Variants in WDFY1 observed in about 807,000 individuals in gnomAD.
WDFY1 encodes the protein WD repeat and FYVE domain-containing protein 1.
Under a neutral mutation model 56.4 loss-of-function variants are expected in WDFY1, and 32 were observed. The observed-to-expected ratio is 0.57, with a 90% CI of 0.43 to 0.76. The LOEUF (loss-of-function observed/expected upper bound fraction) is 0.76. WDFY1 is among the 30% of genes least tolerant of loss of function. The pLI is 0.00. For missense variants in WDFY1, 480 were observed against 545.7 expected (o/e 0.88, Z 1.20); for synonymous variants, 192 against 197.3 (o/e 0.97, Z 0.23).
intron 1 of WDFY1, among the ~76,000 whole-genome samples, chr2:223,919,946 A>G (rs1482028350): frequency 6.6e-6 from 1 of 152,122 alleles, no homozygotes; most frequent in African/African-American, 2.4e-5. Context: ...ACACAGTGCC[A>G]ATTACCACAA....
Position 223,926,638 on chromosome 2 carries a change from A to T in WDFY1, c.138-8628T>A, listed in dbSNP as rs1574778043. ...ATATATGTGTGTGTATTTCATATAT[A>T]TACAAATATGTGCGTGTGTGTGTGT... On this transcript the variant is annotated intron_variant, in intron 1 of 11. Transcript: ENST00000233055. Among the ~76,000 whole-genome samples the T allele has an allele frequency of 2.8e-5, 4 of 143,858 alleles. No individual in the cohort carries two copies. In the South Asian group the frequency reaches 9.1e-4, roughly 33 times the overall value. The allele number at this position is 143,858 out of a possible 152,430, so 94.4% of individuals were successfully genotyped here. A position where few individuals can be genotyped will look rare whatever the true frequency, so the allele number is the denominator to read the frequency against.
chr2:223,880,071 C>T (rs1475613837), intron 11 of WDFY1, 53 bp downstream of exon 11: 1 of 1,456,986 alleles, frequency 6.9e-7, no homozygotes, highest in Non-Finnish European at 9.6e-7. Flanking sequence ...ACATTCACAG[C>T]ATGGTAATAG....
At chr2:223,889,569 T>C (rs1693232352) in intron 8 of WDFY1, among the ~76,000 whole-genome samples, 2 of 152,210 alleles carry the variant, frequency 1.3e-5, no homozygotes, top group Non-Finnish European at 2.9e-5. Flanking sequence ...GCACATGCCC[T>C]CTTGCCTTCC....
intron 8 of WDFY1, among the ~76,000 whole-genome samples, chr2:223,886,729 T>TAAAAAAA (rs34317110): frequency 2.1e-5 from 2 of 95,588 alleles, no homozygotes; most frequent in Non-Finnish European, 3.9e-5. Flanking sequence ...AAACTCCGTC[T>TAAAAAAA]AAAAAAAAAA....
chr2:223,906,062 A>G, intron 3 of WDFY1, 61 bp from the exon 4 acceptor site: 1 of 1,375,374 alleles, frequency 7.3e-7, no homozygotes, highest in East Asian at 2.4e-5. Context: ...AACAACAGAA[A>G]CTTGACTTTC....
At chr2:223,944,657 G>C (rs909324349) in intron 1 of WDFY1, among the ~76,000 whole-genome samples, 1 of 151,188 alleles carries the variant, frequency 6.6e-6, no homozygotes. Flanking sequence ...ATCCGGGCTA[G>C]AGGGGCGCGG....
At chr2:223,903,717 G>C (rs1450260266) in intron 4 of WDFY1, among the ~76,000 whole-genome samples, 1 of 148,462 alleles carries the variant, frequency 6.7e-6, no homozygotes, top group Non-Finnish European at 1.5e-5. Flanking sequence ...GTAGTCTGAT[G>C]ATGGTTCATT....
chr2:223,934,113 G>C (rs534001035), intron 1 of WDFY1, among the ~76,000 whole-genome samples: 7 of 139,776 alleles, frequency 5.0e-5, no homozygotes, highest in Admixed American at 2.2e-4. Context: ...TTGAGAAAGA[G>C]AATCTCACTC....
At chr2:223,900,983 A>G in intron 5 of WDFY1, 200 bp downstream of exon 5, 1 of 546,050 alleles carries the variant, frequency 1.8e-6, no homozygotes, top group East Asian at 3.4e-5. Context: ...TTTCAGTGAA[A>G]TATGTATTAG....
At chr2:223,923,897 T>C (rs1429261774) in intron 1 of WDFY1, among the ~76,000 whole-genome samples, 1 of 152,230 alleles carries the variant, frequency 6.6e-6, no homozygotes, top group African/African-American at 2.4e-5. Flanking sequence ...ATAAAACAGC[T>C]TATGTTTTCC....
intron 8 of WDFY1, among the ~76,000 whole-genome samples, chr2:223,888,642 G>A (rs1693212077): frequency 7.3e-6 from 1 of 136,726 alleles, no homozygotes; most frequent in Non-Finnish European, 1.5e-5. Flanking sequence ...GCTGGAGTGC[G>A]TTGGCATGAT....
intron 1 of WDFY1, among the ~76,000 whole-genome samples, chr2:223,941,552 T>G (rs1305600214): frequency 6.6e-6 from 1 of 152,062 alleles, no homozygotes; most frequent in Non-Finnish European, 1.5e-5. Context: ...CCAAAGAGCC[T>G]CCTCTTCCTG....
intron 1 of WDFY1, among the ~76,000 whole-genome samples, chr2:223,927,406 C>G (rs76823394): frequency 0.019 from 2,953 of 152,312 alleles, 86 homozygotes; most frequent in Middle Eastern, 0.065. Context: ...GCACTTGATG[C>G]TTCACTTTGC....
chr2:223,936,102 C>G (rs184033455), intron 1 of WDFY1, among the ~76,000 whole-genome samples: 1 of 146,000 alleles, frequency 6.8e-6, no homozygotes, highest in African/African-American at 2.6e-5. Context: ...TGCTTTATTG[C>G]CCAAGCTGGA....
rs373183316 is a variant in WDFY1, at chr2:223,899,081, G to T, written c.486-11C>A. 4.4e-5 allele frequency: 70 copies of T among 1,608,578 alleles called. No individual in the cohort carries two copies. Among genetic ancestry groups the T allele is most frequent in the Non-Finnish European group, 5.9e-5 (69 of 1,175,088 alleles). Reference sequence around the variant, plus strand: ...GTGTCAAAGTCATATCTGAGGAGAAGCAGTCAAGGATGTAGAACAGAAATC... The same window carrying T: ...GTGTCAAAGTCATATCTGAGGAGAATCAGTCAAGGATGTAGAACAGAAATC... On this transcript the variant is annotated splice_polypyrimidine_tract_variant and intron_variant, in intron 5 of 11. Transcript: ENST00000233055.
At chr2:223,903,592 T>C (rs1222569914) in intron 4 of WDFY1, among the ~76,000 whole-genome samples, 6 of 146,236 alleles carry the variant, frequency 4.1e-5, no homozygotes, top group African/African-American at 1.5e-4. Context: ...GATGTGAATA[T>C]GAAATAATTT....
At chr2:223,895,697 G>A in intron 6 of WDFY1, 67 bp from the exon 7 acceptor site, 1 of 1,578,858 alleles carries the variant, frequency 6.3e-7, no homozygotes, top group Non-Finnish European at 8.6e-7. Context: ...TCTACATCAG[G>A]ACGTATACAT....
Position 223,942,527 on chromosome 2 carries a change from C to CGTTTTTT in WDFY1, c.137+2620_137+2621insAAAAAAC, listed in dbSNP as rs1689325552. Among the ~76,000 whole-genome samples the CGTTTTTT allele has an allele frequency of 2.7e-5, 2 of 74,220 alleles. 1 individual carries two copies. Among genetic ancestry groups the CGTTTTTT allele is most frequent in the Non-Finnish European group, 5.1e-5 (2 of 39,586 alleles). 48.7% of individuals were successfully genotyped at this position (74,220 alleles called of 152,430 possible). A position where few individuals can be genotyped will look rare whatever the true frequency, so the allele number is the denominator to read the frequency against. On this transcript the variant is annotated intron_variant, in intron 1 of 11. Coordinates refer to ENST00000233055, the MANE Select transcript of WDFY1 (RefSeq NM_020830.5). ...GCCACTGCGCCTGGCCAAAGGCTAA[C>CGTTTTTT]TTTTTTTTTTTTTTTTTTTGAGACG...
chr2:223,933,788 C>T (rs71353861), intron 1 of WDFY1, among the ~76,000 whole-genome samples: 13 of 124,176 alleles, frequency 1.0e-4, no homozygotes, highest in African/African-American at 3.8e-4. Flanking sequence ...GAGACCCCCC[C>T]CCATCTCTAC....
Sources: gnomAD v4.1 joint callset for allele counts (sites outside exome capture counted in the v4.1 genomes callset) on GRCh38, gnomAD v4.1.1 for gene constraint, MANE v1.5 for transcripts, NCBI Gene and HGNC (gene_info 2026-07-23, HGNC 2026-07-21) for gene names.